TFCP2L1: variants seen among roughly 807,000 people sequenced by gnomAD.
TFCP2L1 encodes transcription factor CP2 like 1, also known as transcription factor CP2-like protein 1.
In TFCP2L1, 12 loss-of-function variants were observed where a neutral mutation model predicts 72.2. That is an observed-to-expected ratio of 0.17 (90% CI 0.11 to 0.27). TFCP2L1 has a LOEUF of 0.27. Among genes scored for constraint, TFCP2L1 ranks in the 10% least tolerant of loss-of-function variants. The pLI is 1.00. For synonymous variants in TFCP2L1, 260 were observed against 251.0 expected (o/e 1.04, Z -0.34); for missense variants, 488 against 624.6 (o/e 0.78, Z 2.33).
At position 121,221,332 on chromosome 2, in the gene TFCP2L1, A is replaced by G. The variant is rs1228343617; in HGVS notation, c.*3009T>C. 5 of 152,154 alleles carry G rather than the reference A, an allele frequency of 3.3e-5. No homozygotes were observed. Among genetic ancestry groups the G allele is most frequent in the Non-Finnish European group, 7.3e-5 (5 of 68,036 alleles). 9.4% of individuals were successfully genotyped at this position (152,154 alleles called of 1,614,324 possible). On this transcript the variant is annotated 3_prime_UTR_variant, in exon 15 of 15. Coordinates refer to ENST00000263707, the MANE Select transcript of TFCP2L1 (RefSeq NM_014553.3). ...AGGACTCAGTACCGTTGACTCAGGT[A>G]AAGAGGGAGACAGCAAGAACAGAGT...
intron 14 of TFCP2L1, 47 bp downstream of exon 14, chr2:121,225,515 C>T: frequency 6.3e-7 from 1 of 1,591,184 alleles, no homozygotes; most frequent in East Asian, 2.2e-5. Context: ...AGGCCCCACC[C>T]TCTCACCTGC....
At chr2:121,268,677 A>C (rs1686982603) in intron 2 of TFCP2L1, among the ~76,000 whole-genome samples, 1 of 151,934 alleles carries the variant, frequency 6.6e-6, no homozygotes, top group South Asian at 2.1e-4. Flanking sequence ...GAGAAGAACC[A>C]GACTGGGAGC....
intron 7 of TFCP2L1, among the ~76,000 whole-genome samples, chr2:121,241,343 A>C (rs980592867): frequency 2.0e-5 from 3 of 152,168 alleles, no homozygotes; most frequent in Non-Finnish European, 2.9e-5. Flanking sequence ...AAAATACAAA[A>C]AAATGTGCTG....
At chr2:121,271,636 T>C (rs572129147) in intron 2 of TFCP2L1, among the ~76,000 whole-genome samples, 6 of 152,278 alleles carry the variant, frequency 3.9e-5, no homozygotes, top group African/African-American at 1.2e-4. Flanking sequence ...ACTGATATAA[T>C]TGGTAAGAAG....
In TFCP2L1 at chr2:121,281,261, C is replaced by T. The variant is rs1442183557; in HGVS notation, c.73G>A (p.Ala25Thr). 3.1e-6 allele frequency: 5 copies of T among 1,604,318 alleles called. No homozygotes were observed. Among genetic ancestry groups the T allele is most frequent in the South Asian group, 2.2e-5 (2 of 89,990 alleles). Residue 25 changes from alanine to threonine, a missense_variant, in exon 2 of 15, where the codon GCT (alanine) becomes ACT (threonine). Ala to Thr is a moderately conservative substitution (Grantham distance 58). Around this residue, in one of 3 missense-constraint regions of TFCP2L1, gnomAD observed 73 missense variants for 59.7 expected, o/e 1.22. Coordinates refer to ENST00000263707, the MANE Select transcript of TFCP2L1 (RefSeq NM_014553.3). ...NSGSYLRDVLALPIFKQEEPQ... is the reference protein window; with the variant it reads ...NSGSYLRDVLTLPIFKQEEPQ... ...TCCTCCTGCTTGAAGATGGGCAGAG[C>T]GAGCACATCACTGCAACACACGGGA...
At position 121,242,230 on chromosome 2, in the gene TFCP2L1, C is replaced by T. The variant is rs568972976; in HGVS notation, c.768+129G>A. On this transcript the variant is annotated intron_variant, in intron 7 of 14. Coordinates refer to ENST00000263707, the MANE Select transcript of TFCP2L1 (RefSeq NM_014553.3). ...AACACGAGCTCCAGACACTGGAACC[C>T]ACCACAACAGAATAAGCACTCTCAG... 2.2e-5 allele frequency: 17 copies of T among 764,862 alleles called. No homozygotes were observed. The East Asian group carries it at 4.1e-4, about 18-fold the overall frequency. The allele number at this position is 764,862 out of a possible 1,614,324, so 47.4% of individuals were successfully genotyped here. A position where few individuals can be genotyped will look rare whatever the true frequency, so the allele number is the denominator to read the frequency against.
intron 11 of TFCP2L1, 135 bp from the exon 12 acceptor site, chr2:121,234,329 T>A (rs750578402): frequency 3.5e-5 from 28 of 798,026 alleles, no homozygotes; most frequent in Middle Eastern, 2.6e-4. Flanking sequence ...GGAGTGCCTG[T>A]CATGGGGTGG....
intron 6 of TFCP2L1, 83 bp from the exon 7 acceptor site, chr2:121,242,552 C>G (rs1686398742): frequency 7.7e-7 from 1 of 1,292,108 alleles, no homozygotes. Flanking sequence ...CCCACCTCAC[C>G]CAGGGCCCCA....
chr2:121,230,174 C>T (rs1686112374), intron 13 of TFCP2L1, among the ~76,000 whole-genome samples: 1 of 152,066 alleles, frequency 6.6e-6, no homozygotes, highest in African/African-American at 2.4e-5. Context: ...TGTTTGTTTG[C>T]TTTGTTTTGT....
chr2:121,279,354 G>C (rs1687209892), intron 2 of TFCP2L1, among the ~76,000 whole-genome samples: 1 of 152,242 alleles, frequency 6.6e-6, no homozygotes. Flanking sequence ...CAGCGGCACA[G>C]ATGCACACTT....
chr2:121,237,753 C>T (rs1220926748), intron 9 of TFCP2L1, 37 bp from the exon 10 acceptor site: 2 of 1,613,914 alleles, frequency 1.2e-6, no homozygotes, highest in African/African-American at 2.7e-5. Flanking sequence ...GATGGTGGCT[C>T]AGGGCCCACG....
intron 2 of TFCP2L1, among the ~76,000 whole-genome samples, chr2:121,250,121 G>A (rs951546151): frequency 6.6e-6 from 1 of 152,146 alleles, no homozygotes; most frequent in Non-Finnish European, 1.5e-5. Context: ...TGCAAAGCAT[G>A]TTCCCCAGTT....
At chr2:121,272,654 A>T (rs953510804) in intron 2 of TFCP2L1, among the ~76,000 whole-genome samples, 1 of 152,210 alleles carries the variant, frequency 6.6e-6, no homozygotes, top group Non-Finnish European at 1.5e-5. Context: ...CAACTCGATG[A>T]CCTTGTTAAC....
intron 2 of TFCP2L1, among the ~76,000 whole-genome samples, chr2:121,261,096 CT>C (rs2104730039): frequency 6.6e-6 from 1 of 152,306 alleles, no homozygotes; most frequent in East Asian, 1.9e-4. Flanking sequence ...AGGCAAGTGT[CT>C]GTTGACACAG....
At chr2:121,262,584 C>T (rs908692063) in intron 2 of TFCP2L1, among the ~76,000 whole-genome samples, 21 of 152,194 alleles carry the variant, frequency 1.4e-4, no homozygotes, top group Non-Finnish European at 3.1e-4. Flanking sequence ...GGCAACTCCC[C>T]TGCAGCGTGG....
intron 2 of TFCP2L1, among the ~76,000 whole-genome samples, chr2:121,256,574 C>T (rs563748217): frequency 5.3e-5 from 8 of 151,970 alleles, no homozygotes; most frequent in Non-Finnish European, 8.8e-5. Flanking sequence ...GCCAGGAGTT[C>T]GAAACCATCC....
intron 2 of TFCP2L1, among the ~76,000 whole-genome samples, chr2:121,271,243 T>C (rs1687042388): frequency 6.7e-6 from 1 of 149,008 alleles, no homozygotes; most frequent in African/African-American, 2.5e-5. Context: ...ACAGCAAATA[T>C]AAATATGATC....
Position 121,240,278 on chromosome 2 carries a change from A to G in TFCP2L1, c.769-629T>C, listed in dbSNP as rs750413. On this transcript the variant is annotated intron_variant, in intron 7 of 14. Transcript: ENST00000263707. Reference sequence around the variant, plus strand: ...TCCTTGCCCTCGAAAACATTCTACTATGGAAGCCAAACACAAATGCATGTG... The same window carrying G: ...TCCTTGCCCTCGAAAACATTCTACTGTGGAAGCCAAACACAAATGCATGTG... 12,802 of 985,286 alleles carry G rather than the reference A, an allele frequency of 0.013. 415 individuals are homozygous for G. In the East Asian group the frequency reaches 0.15, roughly 12 times the overall value. The allele number at this position is 985,286 out of a possible 1,614,324, so 61.0% of individuals were successfully genotyped here.
Position 121,234,378 on chromosome 2 carries a change from A to G in TFCP2L1, c.1095-184T>C. The G allele has an allele frequency of 1.4e-5, 8 of 590,652 alleles. No individual in the cohort carries two copies. In the South Asian group the frequency reaches 1.5e-4, roughly 11 times the overall value. 36.6% of individuals were successfully genotyped at this position (590,652 alleles called of 1,614,324 possible). On this transcript the variant is annotated intron_variant, in intron 11 of 14. Coordinates refer to ENST00000263707, the MANE Select transcript of TFCP2L1 (RefSeq NM_014553.3). Reference sequence around the variant, plus strand: ...CAGGTCCCGCAGCCTGCCAAGGGGCACTCTGCCCCAGACCATGAAGCTCAA... The same window carrying G: ...CAGGTCCCGCAGCCTGCCAAGGGGCGCTCTGCCCCAGACCATGAAGCTCAA...
Sources: gnomAD v4.1 joint callset for allele counts (sites outside exome capture counted in the v4.1 genomes callset) on GRCh38, gnomAD v4.1.1 for gene constraint, gnomAD v4.1.1 regional missense constraint, MANE v1.5 for transcripts, NCBI Gene and HGNC (gene_info 2026-07-23, HGNC 2026-07-21) for gene names.